The following RIT2 variants were observed in gnomAD, a reference collection of about 807,000 sequenced individuals.
RIT2 encodes GTP-binding protein Rit2.
A neutral mutation model predicts 23.7 loss-of-function variants in RIT2; 24 were observed. The observed-to-expected ratio is 1.01, with a 90% confidence interval of 0.73 to 1.43. The LOEUF is 1.43. Among genes scored for constraint, RIT2 ranks in the 40% most tolerant of loss-of-function variants. The pLI, the probability that RIT2 is intolerant of heterozygous loss-of-function variation, is 0.00. For synonymous variants in RIT2, 107 were observed against 91.1 expected (o/e 1.17, Z -0.99); for missense variants, 236 against 266.9 (o/e 0.88, Z 0.81).
intron 4 of RIT2, among the ~76,000 whole-genome samples, chr18:42,858,956 T>C (rs1010324075): frequency 6.6e-6 from 1 of 152,244 alleles, no homozygotes; most frequent in Non-Finnish European, 1.5e-5. Flanking sequence ...ATTTCATCAA[T>C]TGATGGCATT....
intron 3 of RIT2, among the ~76,000 whole-genome samples, chr18:42,969,017 G>T (rs1910301986): frequency 6.6e-6 from 1 of 151,998 alleles, no homozygotes; most frequent in Non-Finnish European, 1.5e-5. Flanking sequence ...TTTTGATTTT[G>T]ATGTTACAAA....
intron 4 of RIT2, among the ~76,000 whole-genome samples, chr18:42,901,472 A>C (rs1439903121): frequency 6.6e-6 from 1 of 152,050 alleles, no homozygotes; most frequent in Admixed American, 6.6e-5. Flanking sequence ...GGCCAGTAAC[A>C]AAATTTGAGC....
chr18:42,755,325 C>T (rs1026944110), intron 4 of RIT2, among the ~76,000 whole-genome samples: 3 of 152,120 alleles, frequency 2.0e-5, no homozygotes, highest in African/African-American at 4.8e-5. Context: ...CTATCATATT[C>T]GATACATGCT....
At chr18:43,048,496 A>C (rs1912302383) in intron 1 of RIT2, among the ~76,000 whole-genome samples, 1 of 152,174 alleles carries the variant, frequency 6.6e-6, no homozygotes, top group Admixed American at 6.6e-5. Flanking sequence ...TTATTAAGCA[A>C]TTAGTTCTCT....
intron 4 of RIT2, among the ~76,000 whole-genome samples, chr18:42,850,195 C>T (rs538242184): frequency 1.3e-5 from 2 of 151,842 alleles, no homozygotes; most frequent in South Asian, 4.2e-4. Flanking sequence ...AAATATCTGG[C>T]AATGATAATT....
intron 3 of RIT2, among the ~76,000 whole-genome samples, chr18:42,963,166 A>G (rs2144188826): frequency 6.6e-6 from 1 of 152,274 alleles, no homozygotes; most frequent in Admixed American, 6.5e-5. Context: ...TTTCAGATGA[A>G]ATGCAACATA....
At chr18:42,978,109 A>T (rs1259726784) in intron 2 of RIT2, among the ~76,000 whole-genome samples, 1 of 152,004 alleles carries the variant, frequency 6.6e-6, no homozygotes, top group Non-Finnish European at 1.5e-5. Flanking sequence ...TCAAAGCCCC[A>T]AAGAAGAGCC....
intron 4 of RIT2, among the ~76,000 whole-genome samples, chr18:42,856,853 G>A (rs1285545374): frequency 1.7e-5 from 2 of 117,924 alleles, no homozygotes; most frequent in East Asian, 2.4e-4. Context: ...TTTTTGAGAC[G>A]GAGTTTTGCT....
chr18:43,016,940 T>C (rs991293975), intron 2 of RIT2, among the ~76,000 whole-genome samples: 2 of 151,944 alleles, frequency 1.3e-5, no homozygotes, highest in Non-Finnish European at 2.9e-5. Context: ...AAGCAGAATC[T>C]GCCATGGCTA....
At chr18:42,862,903 T>C (rs1387186282) in intron 4 of RIT2, among the ~76,000 whole-genome samples, 2 of 152,224 alleles carry the variant, frequency 1.3e-5, no homozygotes, top group Admixed American at 1.3e-4. Context: ...TAACTTTTTA[T>C]ATTTTCACTG....
intron 3 of RIT2, among the ~76,000 whole-genome samples, chr18:42,925,596 C>T (rs1334950142): frequency 2.0e-5 from 3 of 151,782 alleles, no homozygotes; most frequent in African/African-American, 4.8e-5. Context: ...GATTTTCAAT[C>T]GTCTAGTCCT....
In RIT2 at chr18:43,114,619, G is replaced by A. The variant is rs145924265; in HGVS notation, c.103+798C>T. 1.6e-3 allele frequency among the ~76,000 whole-genome samples: 246 copies of A among 151,988 alleles called. 1 individual carries two copies. Among genetic ancestry groups the A allele is most frequent in the Non-Finnish European group, 1.7e-3 (116 of 67,982 alleles). ...ATTTTCTAGTGATAGCCATAGCTCC[G>A]AGCTATCTAACATTTGATCAGCCAA... On this transcript the variant is annotated intron_variant, in intron 1 of 4. Coordinates refer to ENST00000326695, the MANE Select transcript of RIT2 (RefSeq NM_002930.4).
At chr18:42,914,890 C>T (rs1272786275) in intron 4 of RIT2, among the ~76,000 whole-genome samples, 1 of 151,818 alleles carries the variant, frequency 6.6e-6, no homozygotes, top group Non-Finnish European at 1.5e-5. Flanking sequence ...GAAGGATGCA[C>T]AGGGTTTTTA....
At chr18:43,081,159 A>G (rs1441529363) in intron 1 of RIT2, among the ~76,000 whole-genome samples, 1 of 152,188 alleles carries the variant, frequency 6.6e-6, no homozygotes, top group Non-Finnish European at 1.5e-5. Flanking sequence ...ATTAATGGAT[A>G]TACACAAACA....
At chr18:42,767,171 C>CTGGGATA (rs1913443267) in intron 4 of RIT2, among the ~76,000 whole-genome samples, 1 of 152,164 alleles carries the variant, frequency 6.6e-6, no homozygotes, top group Non-Finnish European at 1.5e-5. Flanking sequence ...AATGGTATAT[C>CTGGGATA]CACCAACATC....
At chr18:43,090,785 T>C (rs1003471174) in intron 1 of RIT2, among the ~76,000 whole-genome samples, 6 of 152,012 alleles carry the variant, frequency 3.9e-5, no homozygotes, top group Admixed American at 3.3e-4. Flanking sequence ...GAAAATCAAA[T>C]ACTGCATGTT....
chr18:42,808,409 A>G (rs1905745433), intron 4 of RIT2, among the ~76,000 whole-genome samples: 1 of 152,138 alleles, frequency 6.6e-6, no homozygotes, highest in African/African-American at 2.4e-5. Context: ...TTTTGTAGAG[A>G]TTTTATTCCC....
chr18:43,026,486 A>G (rs1367148439), intron 2 of RIT2, among the ~76,000 whole-genome samples: 4 of 151,444 alleles, frequency 2.6e-5, no homozygotes, highest in African/African-American at 9.7e-5. Flanking sequence ...CCCGGGAGGC[A>G]GAGGGTACAG....
chr18:43,075,374 A>G (rs1912990145), intron 1 of RIT2, among the ~76,000 whole-genome samples: 1 of 152,180 alleles, frequency 6.6e-6, no homozygotes, highest in African/African-American at 2.4e-5. Flanking sequence ...TTATGCTGAG[A>G]GAAGTTTGTA....
Sources: allele counts gnomAD v4.1 joint callset (sites outside exome capture counted in the v4.1 genomes callset), GRCh38; gene constraint gnomAD v4.1.1; transcripts MANE v1.5; gene names NCBI Gene and HGNC (gene_info 2026-07-23, HGNC 2026-07-21).